ASXL3: variants seen among roughly 807,000 people sequenced by gnomAD.
ASXL3 encodes the protein ASXL transcriptional regulator 3, also known as putative Polycomb group protein ASXL3.
Under a neutral mutation model 170.6 loss-of-function variants are expected in ASXL3, and 34 were observed. The ratio of observed to expected loss-of-function variants is 0.20; its 90% CI spans 0.15 to 0.27. ASXL3 has a LOEUF of 0.27. Ranked by LOEUF, ASXL3 falls within the 10% of genes least tolerant of loss-of-function variation. The probability of loss-of-function intolerance (pLI) is 1.00; values close to 1 mark genes in which losing one functional copy is unlikely to be tolerated. For missense variants in ASXL3, 2,592 were observed against 2,695.3 expected, an observed-to-expected ratio of 0.96 and a Z score of 0.85; for synonymous variants, 1,002 against 989.1, an observed-to-expected ratio of 1.01 and a Z score of -0.24.
At chr18:33,604,971 TGAAA>T (rs1343491474) in intron 1 of ASXL3, among the ~76,000 whole-genome samples, 1 of 151,962 alleles carries the variant, frequency 6.6e-6, no homozygotes, top group Non-Finnish European at 1.5e-5. Context: ...AATAAGTACT[TGAAA>T]GAAATACTTG....
intron 8 of ASXL3, among the ~76,000 whole-genome samples, chr18:33,727,630 A>T (rs1337867982): frequency 6.6e-6 from 1 of 152,180 alleles, no homozygotes; most frequent in Admixed American, 6.5e-5. Context: ...CAATAGTTAG[A>T]TACTTCATTA....
chr18:33,652,706 T>G (rs997502752), intron 4 of ASXL3, among the ~76,000 whole-genome samples: 5 of 151,960 alleles, frequency 3.3e-5, no homozygotes, highest in Non-Finnish European at 5.9e-5. Flanking sequence ...TTTTCATTAT[T>G]CTTTATGGCC....
At chr18:33,651,045 C>A (rs930729990) in intron 4 of ASXL3, among the ~76,000 whole-genome samples, 1 of 152,080 alleles carries the variant, frequency 6.6e-6, no homozygotes, top group African/African-American at 2.4e-5. Context: ...ACACCAAAGG[C>A]CAGACTCTCA....
Position 33,738,417 on chromosome 18 carries a change from C to A in ASXL3, c.1083-70C>A, listed in dbSNP as rs948896454. 6.8e-5 allele frequency: 97 copies of A among 1,419,328 alleles called. 1 individual carries two copies. In the South Asian group the frequency reaches 7.9e-4, roughly 11 times the overall value. 87.9% of individuals were successfully genotyped at this position (1,419,328 alleles called of 1,614,324 possible). On this transcript the variant is annotated intron_variant, in intron 10 of 11. Transcript: ENST00000269197. Reference sequence around the variant, plus strand: ...ATTTACTTCTATTGAATACTACATTCATGAGAGATCCCAGTTGTACCTTTT... The same window carrying A: ...ATTTACTTCTATTGAATACTACATTAATGAGAGATCCCAGTTGTACCTTTT...
At position 33,745,955 on chromosome 18, in the gene ASXL3, C is replaced by G. The variant is rs778714083; in HGVS notation, c.6107C>G (p.Pro2036Arg). Residue 2036 changes from proline to arginine, a missense_variant, in exon 12 of 12, where the codon CCC becomes CGC. By Grantham distance (103) the Pro-to-Arg change is moderately radical. Around this residue, in one of 4 missense-constraint regions of ASXL3, gnomAD observed 2,246 missense variants for 2,219.6 expected, o/e 1.01. Transcript: ENST00000269197. The stretch of plus-strand genomic sequence containing the variant: ...CCCTTGGCTTTGCCCCCGCCTCCCC[C>G]CCCACCACCTCCGCTACCTCCACCT... Reference protein sequence around the residue: ...PPPLALPPPPPPPPPLPPPLP... With the variant: ...PPPLALPPPPRPPPPLPPPLP... 7.2e-6 allele frequency: 11 copies of G among 1,530,918 alleles called. No homozygotes were observed. Among genetic ancestry groups the G allele is most frequent in the African/African-American group, 4.2e-5 (3 of 71,352 alleles). 94.8% of individuals were successfully genotyped at this position (1,530,918 alleles called of 1,614,324 possible).
chr18:33,675,463 G>A (rs1162030074), intron 7 of ASXL3, among the ~76,000 whole-genome samples: 1 of 152,146 alleles, frequency 6.6e-6, no homozygotes, highest in Non-Finnish European at 1.5e-5. Flanking sequence ...GTCCTAACCT[G>A]TTGAAACCAT....
intron 4 of ASXL3, among the ~76,000 whole-genome samples, chr18:33,655,018 T>C (rs1490423162): frequency 7.9e-5 from 12 of 152,052 alleles, no homozygotes; most frequent in Non-Finnish European, 1.8e-4. Flanking sequence ...TAGTTACCTT[T>C]GGAGCTTCAG....
intron 1 of ASXL3, among the ~76,000 whole-genome samples, chr18:33,587,642 A>G (rs2065045622): frequency 6.6e-6 from 1 of 152,132 alleles, no homozygotes; most frequent in Non-Finnish European, 1.5e-5. Context: ...TCTCCCTGTC[A>G]TTCTTACTCT....
intron 4 of ASXL3, among the ~76,000 whole-genome samples, chr18:33,648,202 T>C (rs1410325726): frequency 6.6e-6 from 1 of 152,050 alleles, no homozygotes; most frequent in African/African-American, 2.4e-5. Context: ...GATCACTAAC[T>C]ACGAAAAAGA....
At chr18:33,714,446 T>C (rs1017973741) in intron 8 of ASXL3, among the ~76,000 whole-genome samples, 14 of 152,182 alleles carry the variant, frequency 9.2e-5, no homozygotes, top group Non-Finnish European at 1.9e-4. Context: ...TGTCATTTTT[T>C]CCTTTGCTCT....
At chr18:33,581,217 T>C (rs772095777) in intron 1 of ASXL3, among the ~76,000 whole-genome samples, 1 of 152,208 alleles carries the variant, frequency 6.6e-6, no homozygotes, top group Non-Finnish European at 1.5e-5. Flanking sequence ...TTCTGTGATA[T>C]AGATACTATC....
chr18:33,645,676 T>A (rs2145200660), intron 3 of ASXL3, among the ~76,000 whole-genome samples: 1 of 152,136 alleles, frequency 6.6e-6, no homozygotes, highest in Middle Eastern at 3.4e-3. Flanking sequence ...ATTCATTGTG[T>A]TATTTCTTAG....
At chr18:33,668,532 A>G (rs186447654) in intron 5 of ASXL3, among the ~76,000 whole-genome samples, 2 of 152,234 alleles carry the variant, frequency 1.3e-5, no homozygotes, top group Admixed American at 6.5e-5. Flanking sequence ...AAAATATTGT[A>G]CTAAGAAATA....
intron 2 of ASXL3, among the ~76,000 whole-genome samples, chr18:33,609,863 A>G (rs978505715): frequency 6.6e-6 from 1 of 152,046 alleles, no homozygotes; most frequent in African/African-American, 2.4e-5. Flanking sequence ...CTCTGCATCA[A>G]GTGGCCTCAG....
At chr18:33,600,857 C>T (rs1287220135) in intron 1 of ASXL3, among the ~76,000 whole-genome samples, 1 of 152,142 alleles carries the variant, frequency 6.6e-6, no homozygotes, top group Non-Finnish European at 1.5e-5. Flanking sequence ...GAGTTTCCTT[C>T]TCATGAATAT....
At chr18:33,644,238 G>GA (rs2065885737) in intron 2 of ASXL3, among the ~76,000 whole-genome samples, 1 of 151,924 alleles carries the variant, frequency 6.6e-6, no homozygotes, top group South Asian at 2.1e-4. Context: ...TCTGTTAGCT[G>GA]GACAGAATTT....
chr18:33,746,359 A>G lies in ASXL3; in HGVS notation c.6511A>G (p.Ile2171Val). The G allele has an allele frequency of 6.2e-7, 1 of 1,613,960 alleles. No homozygotes were observed. Among genetic ancestry groups the G allele is most frequent in the Non-Finnish European group, 8.5e-7 (1 of 1,179,838 alleles). Residue 2171 changes from isoleucine (I) to valine (V), a missense_variant, in exon 12 of 12, where the codon ATT (isoleucine) becomes GTT (valine). This residue lies in a region of ASXL3 where 2,246 missense variants were observed against 2,219.6 expected (regional missense o/e 1.01). Coordinates refer to ENST00000269197, the MANE Select transcript of ASXL3 (RefSeq NM_030632.3). ...STSFKRAASA[I>V]EKSIGILGSG... ...GAGTTTCAAAAGGGCAGCATCTGCA[A>G]TTGAAAAGTCCATTGGGATTTTGGG... is the stretch of plus-strand genomic sequence containing the variant.
chr18:33,626,051 G>A (rs1010024990), intron 2 of ASXL3: 11 of 151,980 alleles, frequency 7.2e-5, no homozygotes, highest in Non-Finnish European at 1.3e-4. Flanking sequence ...TTAGGTGAAA[G>A]GGGCAAGCGG....
intron 8 of ASXL3, among the ~76,000 whole-genome samples, chr18:33,706,310 A>G (rs906846269): frequency 1.3e-5 from 2 of 151,704 alleles, no homozygotes; most frequent in African/African-American, 4.8e-5. Context: ...TTCCATGGAC[A>G]TTTCAGTAGC....
Sources: gnomAD v4.1 joint callset for allele counts (sites outside exome capture counted in the v4.1 genomes callset) on GRCh38, gnomAD v4.1.1 for gene constraint, gnomAD v4.1.1 regional missense constraint, MANE v1.5 for transcripts, NCBI Gene and HGNC (gene_info 2026-07-23, HGNC 2026-07-21) for gene names.